Variants in GBE1 observed in about 807,000 individuals in gnomAD.
GBE1 encodes the protein 1,4-alpha-glucan branching enzyme 1.
GBE1 carries 70 observed loss-of-function variants against 88.8 expected under a neutral mutation model. The observed-to-expected ratio is 0.79, with a 90% CI of 0.65 to 0.96. The LOEUF (loss-of-function observed/expected upper bound fraction) is 0.96. Among genes scored for constraint, GBE1 ranks in the 40% least tolerant of loss-of-function variants. The pLI is 0.00. For synonymous variants in GBE1, 284 were observed against 300.1 expected (o/e 0.95, Z 0.56); for missense variants, 872 against 871.0 (o/e 1.00, Z -0.01).
intron 2 of GBE1, among the ~76,000 whole-genome samples, chr3:81,679,366 C>T (rs1375086): frequency 0.63 from 96,061 of 151,998 alleles, 31,873 homozygotes; most frequent in East Asian, 0.94. Context: ...GATATTCAAC[C>T]ACCCATAACC....
At chr3:81,595,721 C>CA (rs2106959781) in intron 7 of GBE1, among the ~76,000 whole-genome samples, 1 of 152,006 alleles carries the variant, frequency 6.6e-6, no homozygotes, top group Non-Finnish European at 1.5e-5. Flanking sequence ...AAAGGTAATG[C>CA]AAGTCCTGTT....
At chr3:81,516,571 T>A (rs1331618488) in intron 14 of GBE1, among the ~76,000 whole-genome samples, 1 of 151,568 alleles carries the variant, frequency 6.6e-6, no homozygotes, top group Non-Finnish European at 1.5e-5. Flanking sequence ...AACTTTCAAC[T>A]CTTATTAAGA....
chr3:81,749,012 A>AG (rs1247761594), intron 1 of GBE1, among the ~76,000 whole-genome samples: 3 of 134,856 alleles, frequency 2.2e-5, no homozygotes, highest in Non-Finnish European at 4.7e-5. Context: ...TCTCAAAAAA[A>AG]AAAAAAAAAG....
intron 2 of GBE1, among the ~76,000 whole-genome samples, chr3:81,678,428 T>C (rs12638507): frequency 0.047 from 7,096 of 152,240 alleles, 479 homozygotes; most frequent in East Asian, 0.34. Flanking sequence ...AAAACTGTGG[T>C]TTTAAATAAA....
intron 3 of GBE1, among the ~76,000 whole-genome samples, chr3:81,670,511 G>A (rs1464921684): frequency 1.3e-5 from 2 of 152,086 alleles, no homozygotes; most frequent in African/African-American, 4.8e-5. Flanking sequence ...TTGAAGACAG[G>A]TTTCATTTTT....
intron 9 of GBE1, 91 bp from the exon 10 acceptor site, chr3:81,586,281 G>A (rs1029075878): frequency 1.3e-6 from 1 of 768,364 alleles, no homozygotes; most frequent in South Asian, 1.8e-5. Flanking sequence ...ACAATAATAG[G>A]GGAATATATT....
intron 7 of GBE1, 49 bp downstream of exon 7, chr3:81,642,732 A>T (rs1193315589): frequency 1.7e-6 from 2 of 1,160,518 alleles, no homozygotes; most frequent in African/African-American, 1.5e-5. Flanking sequence ...CTTAAAAATT[A>T]ATGTTAAACA....
intron 2 of GBE1, among the ~76,000 whole-genome samples, chr3:81,684,277 C>T (rs976563793): frequency 6.6e-6 from 1 of 152,206 alleles, no homozygotes; most frequent in Non-Finnish European, 1.5e-5. Context: ...TTCAGCCCAG[C>T]ATCTATCTAC....
At chr3:81,633,304 T>C (rs888003806) in intron 7 of GBE1, among the ~76,000 whole-genome samples, 1 of 152,130 alleles carries the variant, frequency 6.6e-6, no homozygotes, top group South Asian at 2.1e-4. Context: ...TTCACAATTA[T>C]ACAAGGTAGA....
chr3:81,536,567 TA>T (rs1307728972), intron 13 of GBE1, among the ~76,000 whole-genome samples: 1 of 151,998 alleles, frequency 6.6e-6, no homozygotes, highest in East Asian at 1.9e-4. Flanking sequence ...ATTATTTACA[TA>T]AAAAAGTGTT....
intron 1 of GBE1, among the ~76,000 whole-genome samples, chr3:81,715,232 C>A (rs1197847071): frequency 6.6e-6 from 1 of 152,130 alleles, no homozygotes; most frequent in African/African-American, 2.4e-5. Flanking sequence ...CTTGAGAATT[C>A]AATGCATCAG....
At position 81,549,148 on chromosome 3, in the gene GBE1, G is replaced by A. The variant is rs1195658147; in HGVS notation, c.1619-12053C>T. ...TGGTTCAAGCAATTCTCCTGCCTCA[G>A]CCTCCTGAGTAGCTGGGATTACAGG... is the stretch of plus-strand genomic sequence containing the variant. On this transcript the variant is annotated intron_variant, in intron 12 of 15. Transcript: ENST00000429644. 6.7e-5 allele frequency among the ~76,000 whole-genome samples: 10 copies of A among 149,096 alleles called. No individual in the cohort carries two copies. In the Admixed American group the frequency reaches 6.7e-4, roughly 10 times the overall value.
rs376338912 is a variant in GBE1 at position 81,595,157 on chromosome 3, C to A, written c.993-1134G>T. ...AAAAAAAAAAGAAAAGAAATCCAAG[C>A]AATCTAATAGATATAAAAGGGAGAC... On this transcript the variant is annotated intron_variant, in intron 7 of 15. Coordinates refer to ENST00000429644, the MANE Select transcript of GBE1 (RefSeq NM_000158.4). Among the ~76,000 whole-genome samples, 11 of 149,722 alleles carry A rather than the reference C, an allele frequency of 7.3e-5. No homozygotes were observed. The East Asian group carries it at 1.6e-3, about 21-fold the overall frequency.
intron 1 of GBE1, among the ~76,000 whole-genome samples, chr3:81,737,318 T>TA (rs1404070108): frequency 1.5e-3 from 171 of 115,540 alleles, no homozygotes; most frequent in African/African-American, 6.6e-3. Flanking sequence ...TATTTATATA[T>TA]ATTTATATAT....
intron 14 of GBE1, among the ~76,000 whole-genome samples, chr3:81,527,142 G>C (rs889477093): frequency 2.6e-5 from 4 of 152,250 alleles, no homozygotes; most frequent in Admixed American, 2.0e-4. Flanking sequence ...TTTAATAAAT[G>C]GTGCTGGGAA....
intron 10 of GBE1, among the ~76,000 whole-genome samples, chr3:81,583,903 A>T (rs747211717): frequency 1.3e-5 from 2 of 152,056 alleles, no homozygotes; most frequent in Non-Finnish European, 2.9e-5. Context: ...CACTGGGGAA[A>T]ACTGATGAAT....
chr3:81,587,098 A>T (rs1703813601), intron 9 of GBE1, among the ~76,000 whole-genome samples: 1 of 152,080 alleles, frequency 6.6e-6, no homozygotes, highest in African/African-American at 2.4e-5. Context: ...CACCACACCC[A>T]GTCGAGAGAG....
chr3:81,574,360 ATATAAG>A lies in GBE1; in HGVS notation c.1618+3559_1618+3564del, dbSNP rs1425278360. Among the ~76,000 whole-genome samples, 6 of 152,160 alleles carry A rather than the reference ATATAAG, an allele frequency of 3.9e-5. No individual in the cohort carries two copies. In the East Asian group the frequency reaches 5.8e-4, roughly 15 times the overall value. ...TATGCCTGCAAATACTTTGTGTTTTATATAAGTATAACAGTATTAAGTCATTTCACC... is the reference window on the plus strand; with the variant it reads ...TATGCCTGCAAATACTTTGTGTTTTATATAACAGTATTAAGTCATTTCACC... On this transcript the variant is annotated intron_variant, in intron 12 of 15. Transcript: ENST00000429644.
At chr3:81,692,576 A>G (rs2107146183) in intron 2 of GBE1, among the ~76,000 whole-genome samples, 1 of 152,336 alleles carries the variant, frequency 6.6e-6, no homozygotes, top group Admixed American at 6.5e-5. Flanking sequence ...GTTCTCCATC[A>G]AGAAAAAAGT....
Sources: allele counts gnomAD v4.1 joint callset (sites outside exome capture counted in the v4.1 genomes callset), GRCh38; gene constraint gnomAD v4.1.1; transcripts MANE v1.5; gene names NCBI Gene and HGNC (gene_info 2026-07-23, HGNC 2026-07-21).